PRKG1: variants seen among roughly 807,000 people sequenced by gnomAD.
PRKG1 encodes the protein cGMP-dependent protein kinase 1.
PRKG1 carries 35 observed loss-of-function variants against 88.1 expected under a neutral mutation model. The ratio of observed to expected loss-of-function variants is 0.40; its 90% CI spans 0.30 to 0.53. The LOEUF is 0.53. PRKG1 is among the 20% of genes least tolerant of loss of function. PRKG1 has a pLI of 0.59. For missense variants in PRKG1, 540 were observed against 839.8 expected (o/e 0.64, Z 4.41); for synonymous variants, 303 against 292.5 (o/e 1.04, Z -0.37).
chr10:51,737,781 G>A (rs965678737), intron 3 of PRKG1, among the ~76,000 whole-genome samples: 6 of 132,274 alleles, frequency 4.5e-5, no homozygotes, highest in African/African-American at 1.6e-4. Context: ...ATTATTTTCT[G>A]AGATGGAGTT....
chr10:52,113,841 A>C (rs1047386694), intron 7 of PRKG1, among the ~76,000 whole-genome samples: 6 of 152,188 alleles, frequency 3.9e-5, no homozygotes, highest in African/African-American at 1.4e-4. Flanking sequence ...ATGATGTTTT[A>C]TTAAGCTACA....
At chr10:51,451,447 T>C (rs1476759296) in intron 2 of PRKG1, among the ~76,000 whole-genome samples, 1 of 151,916 alleles carries the variant, frequency 6.6e-6, no homozygotes, top group East Asian at 1.9e-4. Context: ...TAAGAACCTC[T>C]GAGCTAGACC....
intron 3 of PRKG1, among the ~76,000 whole-genome samples, chr10:51,530,052 T>C (rs190440945): frequency 3.3e-5 from 5 of 152,336 alleles, no homozygotes; most frequent in African/African-American, 1.2e-4. Context: ...CATTATTTTT[T>C]AGTACTTCCT....
chr10:51,101,453 C>T (rs1375042875), intron 1 of PRKG1, among the ~76,000 whole-genome samples: 3 of 152,032 alleles, frequency 2.0e-5, no homozygotes, highest in African/African-American at 7.2e-5. Flanking sequence ...TTATGGCAGC[C>T]CAAGAAGACA....
chr10:52,262,676 C>T (rs950891994), intron 10 of PRKG1, among the ~76,000 whole-genome samples: 2 of 152,106 alleles, frequency 1.3e-5, no homozygotes, highest in African/African-American at 2.4e-5. Flanking sequence ...TTCCAATCCC[C>T]AGCATCCATG....
Position 51,759,572 on chromosome 10 carries a change from C to A in PRKG1, c.593-45013C>A, listed in dbSNP as rs556142492. Among the ~76,000 whole-genome samples the A allele has an allele frequency of 4.6e-5, 7 of 152,232 alleles. No homozygotes were observed. The South Asian group carries it at 1.5e-3, about 32-fold the overall frequency. The stretch of plus-strand genomic sequence containing the variant: ...TACAGGTGTGAGACACCACGCCTGG[C>A]CTGATTTTTACAATTAAAATGAAAC... On this transcript the variant is annotated intron_variant, in intron 3 of 17. Transcript: ENST00000373980.
chr10:51,060,712 C>T (rs934094019), intron 1 of PRKG1, among the ~76,000 whole-genome samples: 3 of 152,038 alleles, frequency 2.0e-5, no homozygotes, highest in Non-Finnish European at 4.4e-5. Context: ...TTCTTTAAAT[C>T]TTTGTGCTTT....
At chr10:51,182,905 T>A (rs554065337) in intron 2 of PRKG1, among the ~76,000 whole-genome samples, 2 of 152,308 alleles carry the variant, frequency 1.3e-5, no homozygotes, top group South Asian at 4.1e-4. Context: ...GAATGGGCAG[T>A]CCTGGCATGA....
At chr10:52,232,294 C>T (rs1840544436) in intron 9 of PRKG1, among the ~76,000 whole-genome samples, 1 of 151,752 alleles carries the variant, frequency 6.6e-6, no homozygotes, top group Admixed American at 6.6e-5. Context: ...CAGAGCTAGA[C>T]TCCATCTCAC....
chr10:52,058,345 T>C (rs1473009593), intron 6 of PRKG1, among the ~76,000 whole-genome samples: 1 of 152,100 alleles, frequency 6.6e-6, no homozygotes, highest in African/African-American at 2.4e-5. Flanking sequence ...CAACATATTG[T>C]ACCATATTAA....
At chr10:52,112,509 A>C (rs1366189083) in intron 7 of PRKG1, among the ~76,000 whole-genome samples, 1 of 152,188 alleles carries the variant, frequency 6.6e-6, no homozygotes, top group Non-Finnish European at 1.5e-5. Flanking sequence ...AAACTCTCAA[A>C]AATTATAATG....
intron 3 of PRKG1, among the ~76,000 whole-genome samples, chr10:51,775,292 T>C (rs12256155): frequency 2.0e-5 from 3 of 152,166 alleles, no homozygotes; most frequent in African/African-American, 7.2e-5. Flanking sequence ...CGGTCTAAAG[T>C]AGTTAATGGT....
intron 2 of PRKG1, among the ~76,000 whole-genome samples, chr10:51,229,689 G>C (rs1269835142): frequency 1.3e-5 from 2 of 152,056 alleles, no homozygotes; most frequent in Non-Finnish European, 2.9e-5. Context: ...AGCAATTTAG[G>C]AGGCTGAGGC....
intron 4 of PRKG1, among the ~76,000 whole-genome samples, chr10:51,888,484 G>A (rs1201782731): frequency 6.6e-6 from 1 of 152,090 alleles, no homozygotes; most frequent in East Asian, 1.9e-4. Context: ...TCATCTTCTT[G>A]GCTTTATGTC....
At chr10:51,754,310 T>A (rs1294179503) in intron 3 of PRKG1, among the ~76,000 whole-genome samples, 1 of 152,194 alleles carries the variant, frequency 6.6e-6, no homozygotes, top group Non-Finnish European at 1.5e-5. Context: ...CTTTTGCGCC[T>A]ATTGATAATT....
intron 2 of PRKG1, among the ~76,000 whole-genome samples, chr10:51,419,314 G>A (rs1838339609): frequency 6.6e-6 from 1 of 152,156 alleles, no homozygotes; most frequent in South Asian, 2.1e-4. Context: ...GAGAGGGCAA[G>A]CAGTAAATCC....
rs571686206 is a variant in PRKG1, at chr10:51,827,352, A to G, written c.698+22662A>G. The stretch of plus-strand genomic sequence containing the variant: ...GATAATTAAACTGAAAATAATATCT[A>G]GATTTCATAAACATAAATCATAGCT... On this transcript the variant is annotated intron_variant, in intron 4 of 17. Transcript: ENST00000373980. Among the ~76,000 whole-genome samples the G allele has an allele frequency of 2.4e-4, 37 of 152,314 alleles. No homozygotes were observed. In the South Asian group the frequency reaches 6.4e-3, roughly 26 times the overall value.
intron 2 of PRKG1, among the ~76,000 whole-genome samples, chr10:51,261,653 T>C (rs919949799): frequency 6.6e-5 from 10 of 152,230 alleles, no homozygotes; most frequent in Admixed American, 2.0e-4. Flanking sequence ...AACGCATTCT[T>C]TGGCAGCTTA....
chr10:51,630,567 T>G (rs1403591093), intron 3 of PRKG1, among the ~76,000 whole-genome samples: 1 of 152,196 alleles, frequency 6.6e-6, no homozygotes, highest in African/African-American at 2.4e-5. Flanking sequence ...CATACCCTCA[T>G]GCACATCCTC....
Sources: gnomAD v4.1 joint callset for allele counts (sites outside exome capture counted in the v4.1 genomes callset) on GRCh38, gnomAD v4.1.1 for gene constraint, MANE v1.5 for transcripts, NCBI Gene and HGNC (gene_info 2026-07-23, HGNC 2026-07-21) for gene names.